The following CNTN6 variants were observed in gnomAD, a reference collection of about 807,000 sequenced individuals.
The protein encoded by CNTN6 is contactin-6.
In CNTN6, 137 loss-of-function variants were observed where a neutral mutation model predicts 122.8. That is an observed-to-expected ratio of 1.12 (90% CI 0.97 to 1.29). The LOEUF is 1.29. Ranked by LOEUF, CNTN6 falls within the 50% of genes most tolerant of loss-of-function variation. The pLI is 0.00. For missense variants in CNTN6, 1,634 were observed against 1,223.4 expected (o/e 1.34, Z -5.01); for synonymous variants, 570 against 426.0 (o/e 1.34, Z -4.16).
At chr3:1,330,619 A>G (rs772204404) in intron 11 of CNTN6, among the ~76,000 whole-genome samples, 1 of 151,918 alleles carries the variant, frequency 6.6e-6, no homozygotes, top group Non-Finnish European at 1.5e-5. Flanking sequence ...GTGTTACTCT[A>G]TAATCAGATA....
chr3:1,361,510 T>C lies in CNTN6; in HGVS notation c.1492+9059T>C, dbSNP rs1039506373. On this transcript the variant is annotated intron_variant, in intron 12 of 22. Transcript: ENST00000446702. ...TGAATAAACAATTAGTACATTTCTATGTTAGGAATCTCTACTTCTGTCCAA... is the reference window on the plus strand; with the variant it reads ...TGAATAAACAATTAGTACATTTCTACGTTAGGAATCTCTACTTCTGTCCAA... Among the ~76,000 whole-genome samples, 4 of 152,170 alleles carry C rather than the reference T, an allele frequency of 2.6e-5. No homozygotes were observed. In the East Asian group the frequency reaches 7.7e-4, roughly 29 times the overall value.
intron 11 of CNTN6, among the ~76,000 whole-genome samples, chr3:1,331,898 G>A (rs1575736552): frequency 6.6e-6 from 1 of 151,220 alleles, no homozygotes; most frequent in Non-Finnish European, 1.5e-5. Context: ...TTTTAAAACA[G>A]CTCTTCAGGT....
chr3:1,282,339 T>C (rs1268324625), intron 5 of CNTN6, among the ~76,000 whole-genome samples: 1 of 152,242 alleles, frequency 6.6e-6, no homozygotes, highest in East Asian at 1.9e-4. Context: ...GGAAAGGTTA[T>C]TCTAGCAGAG....
At position 1,148,021 on chromosome 3, in the gene CNTN6, T is replaced by A. The variant is rs761068479; in HGVS notation, c.13T>A (p.Trp5Arg). The stretch of plus-strand genomic sequence containing the variant: ...TTAGAAAGTGGAAATGAGGTTGCTA[T>A]GGAAACTGGTAATTCTGCTGCCACT... MRLL[W>R]KLVILLPLIN... Residue 5 changes from tryptophan to arginine, a missense_variant, in exon 2 of 23, where the codon TGG becomes AGG. Physicochemically the swap from Trp to Arg is moderately radical, Grantham distance 101. Transcript: ENST00000446702. 3 of 1,607,698 alleles carry A rather than the reference T, an allele frequency of 1.9e-6. No individual in the cohort carries two copies. The highest frequency in any genetic ancestry group is 3.3e-5 in the Admixed American group (2 of 59,946).
chr3:1,146,760 G>T (rs1250893313), intron 1 of CNTN6, among the ~76,000 whole-genome samples: 1 of 151,932 alleles, frequency 6.6e-6, no homozygotes. Context: ...ATAAATAAAT[G>T]CTTATGAAAA....
chr3:1,244,737 TA>T (rs1029117278), intron 4 of CNTN6, among the ~76,000 whole-genome samples: 62 of 151,904 alleles, frequency 4.1e-4, no homozygotes, highest in African/African-American at 1.3e-3. Context: ...CGAAGGGAGA[TA>T]GGGGTGGGGC....
At chr3:1,259,288 A>G (rs2094807400) in intron 4 of CNTN6, among the ~76,000 whole-genome samples, 1 of 152,166 alleles carries the variant, frequency 6.6e-6, no homozygotes, top group South Asian at 2.1e-4. Flanking sequence ...AGTACATGGT[A>G]GAAGGGCATT....
chr3:1,155,152 G>C (rs2092934981), intron 2 of CNTN6, among the ~76,000 whole-genome samples: 1 of 152,058 alleles, frequency 6.6e-6, no homozygotes, highest in Admixed American at 6.5e-5. Flanking sequence ...CAATGAGCTC[G>C]TCGCTATCTG....
intron 17 of CNTN6, among the ~76,000 whole-genome samples, chr3:1,381,979 G>GTGAT (rs1295565960): frequency 1.3e-5 from 2 of 151,828 alleles, no homozygotes. Context: ...AGTAGATAGT[G>GTGAT]TGATTGATAG....
intron 2 of CNTN6, among the ~76,000 whole-genome samples, chr3:1,202,489 C>A (rs532892985): frequency 1.8e-4 from 27 of 151,336 alleles, no homozygotes; most frequent in Middle Eastern, 3.4e-3. Flanking sequence ...TGCAGTGAGC[C>A]AAGATGGCGC....
At chr3:1,097,256 G>C (rs1437961504) in intron 1 of CNTN6, among the ~76,000 whole-genome samples, 1 of 152,142 alleles carries the variant, frequency 6.6e-6, no homozygotes, top group African/African-American at 2.4e-5. Context: ...TTTGCAATGA[G>C]TCCTAAGGTA....
chr3:1,321,559 TC>T, intron 7 of CNTN6, 90 bp from the exon 8 acceptor site: 1 of 1,126,690 alleles, frequency 8.9e-7, no homozygotes, highest in South Asian at 1.6e-5. Flanking sequence ...AGAATATTTT[TC>T]TTGAGAGTTA....
At position 1,266,061 on chromosome 3, in the gene CNTN6, A is replaced by G. The variant is rs904298822; in HGVS notation, c.359-12352A>G. Among the ~76,000 whole-genome samples, 9 of 152,096 alleles carry G rather than the reference A, an allele frequency of 5.9e-5. No individual in the cohort carries two copies. In the East Asian group the frequency reaches 1.7e-3, roughly 29 times the overall value. Reference sequence around the variant, plus strand: ...AACACCTAAGTGCGTCACCCATACAACCAGTGATATCTCTCCCACACATTG... The same window carrying G: ...AACACCTAAGTGCGTCACCCATACAGCCAGTGATATCTCTCCCACACATTG... On this transcript the variant is annotated intron_variant, in intron 4 of 22. Transcript: ENST00000446702.
chr3:1,267,739 A>G (rs1420736456), intron 4 of CNTN6, among the ~76,000 whole-genome samples: 1 of 152,226 alleles, frequency 6.6e-6, no homozygotes, highest in Non-Finnish European at 1.5e-5. Context: ...GTGGAGAGAA[A>G]GTGAGTTGTT....
rs1448146883 is a variant in CNTN6, at chr3:1,402,677, T to C, written c.2986+191T>C. 2.7e-5 allele frequency: 12 copies of C among 437,070 alleles called. No individual in the cohort carries two copies. In the Admixed American group the frequency reaches 4.7e-4, roughly 17 times the overall value. 27.1% of individuals were successfully genotyped at this position (437,070 alleles called of 1,614,324 possible). ...ATTATAACATACACTATAAATGGTT[T>C]TATGCTTCCTCATTTGAAAACCAAA... On this transcript the variant is annotated intron_variant, in intron 22 of 22. Transcript: ENST00000446702.
intron 4 of CNTN6, among the ~76,000 whole-genome samples, chr3:1,257,682 A>G (rs138875365): frequency 6.6e-6 from 1 of 152,088 alleles, no homozygotes; most frequent in Non-Finnish European, 1.5e-5. Context: ...AAAGTTCCCA[A>G]TTACTCTAAA....
At position 1,372,349 on chromosome 3, in the gene CNTN6, G is replaced by C; in HGVS notation, c.1543G>C (p.Glu515Gln). 1.9e-6 allele frequency: 3 copies of C among 1,612,462 alleles called. No homozygotes were observed. The highest frequency in any genetic ancestry group is 1.1e-5 in the South Asian group (1 of 90,914). Residue 515 changes from glutamate to glutamine, a missense_variant, in exon 13 of 23, where the codon GAG becomes CAG. By Grantham distance (29) the Glu-to-Gln change is conservative. Transcript: ENST00000446702. Reference protein sequence around the residue: ...PPSKMDVTVGESIVLPCQVSH... With the variant: ...PPSKMDVTVGQSIVLPCQVSH... ...TTCCAAAATGGATGTTACAGTTGGC[G>C]AGAGTATAGTGCTACCATGCCAGGT...
chr3:1,099,025 A>G (rs911479225), intron 1 of CNTN6, among the ~76,000 whole-genome samples: 7 of 151,412 alleles, frequency 4.6e-5, no homozygotes, highest in African/African-American at 1.7e-4. Context: ...TTGTATATTT[A>G]CATATAATTG....
intron 2 of CNTN6, among the ~76,000 whole-genome samples, chr3:1,213,195 A>T (rs950536308): frequency 6.6e-5 from 10 of 152,224 alleles, no homozygotes; most frequent in Non-Finnish European, 1.2e-4. Context: ...CCCAATTTGG[A>T]CTACATGAAG....
Sources: allele counts gnomAD v4.1 joint callset (sites outside exome capture counted in the v4.1 genomes callset), GRCh38; gene constraint gnomAD v4.1.1; transcripts MANE v1.5; gene names NCBI Gene and HGNC (gene_info 2026-07-23, HGNC 2026-07-21).